The following INSC variants were observed in gnomAD, a reference collection of about 807,000 sequenced individuals.
INSC encodes protein inscuteable homolog.
Under a neutral mutation model 58.6 loss-of-function variants are expected in INSC, and 67 were observed. The observed-to-expected ratio is 1.14, with a 90% CI of 0.94 to 1.40. The LOEUF (loss-of-function observed/expected upper bound fraction) is 1.40, where lower values mean the gene tolerates loss of function less well. Ranked by LOEUF, INSC falls within the 40% of genes most tolerant of loss-of-function variation. The pLI is 0.00. For missense variants in INSC, 714 were observed against 692.0 expected, an observed-to-expected ratio of 1.03 and a Z score of -0.36; for synonymous variants, 262 against 276.1, an observed-to-expected ratio of 0.95 and a Z score of 0.51.
At position 15,204,254 on chromosome 11, in the gene INSC, C is replaced by T. The variant is rs1007216977; in HGVS notation, c.819+3305C>T. ...CAGAAGAAAGGGAGACTCAGAGACG[C>T]GAAGCCACTTGCTCAAGGGCGCATA... On this transcript the variant is annotated intron_variant, in intron 7 of 12. Transcript: ENST00000379556. 3.9e-5 allele frequency among the ~76,000 whole-genome samples: 6 copies of T among 152,344 alleles called. No homozygotes were observed. In the East Asian group the frequency reaches 5.8e-4, roughly 15 times the overall value.
rs779862000 is a variant in INSC at position 15,186,817 on chromosome 11, T to C, written c.580-3884T>C. Among the ~76,000 whole-genome samples the C allele has an allele frequency of 7.9e-5, 12 of 152,316 alleles. No individual in the cohort carries two copies. In the South Asian group the frequency reaches 1.0e-3, roughly 13 times the overall value. On this transcript the variant is annotated intron_variant, in intron 5 of 12. Coordinates refer to ENST00000379556, the MANE Select transcript of INSC (RefSeq NM_001042536.3). The stretch of plus-strand genomic sequence containing the variant: ...GTTTATCCAGTAATCTTTCGAATAG[T>C]TCATGATGATCTCTGTGGTCTTTTC...
At chr11:15,159,073 C>T (rs1848923637) in intron 2 of INSC, among the ~76,000 whole-genome samples, 1 of 152,136 alleles carries the variant, frequency 6.6e-6, no homozygotes, top group Non-Finnish European at 1.5e-5. Context: ...TGGCCTCTTG[C>T]ACCTGGGGGC....
At chr11:15,222,958 G>T (rs1178621837) in intron 8 of INSC, among the ~76,000 whole-genome samples, 1 of 152,122 alleles carries the variant, frequency 6.6e-6, no homozygotes, top group Non-Finnish European at 1.5e-5. Flanking sequence ...CTTTCCTAAG[G>T]CCACAAAACA....
At chr11:15,170,725 C>T (rs1403991746) in intron 2 of INSC, among the ~76,000 whole-genome samples, 1 of 152,164 alleles carries the variant, frequency 6.6e-6, no homozygotes, top group African/African-American at 2.4e-5. Context: ...CCTCCACCTC[C>T]AGTTTTTAAT....
chr11:15,114,714 C>G (rs1185700662), upstream of INSC, among the ~76,000 whole-genome samples: 2 of 152,210 alleles, frequency 1.3e-5, no homozygotes, highest in Non-Finnish European at 2.9e-5. Context: ...CATGTTTCCC[C>G]CCCCAGGGGC....
chr11:15,253,224 T>A, the INSC span, among the ~76,000 whole-genome samples: 2 of 152,156 alleles, frequency 1.3e-5, no homozygotes, highest in Non-Finnish European at 2.9e-5. Context: ...CCCTTTGAAT[T>A]TTTTTGCTTG....
intron 1 of INSC, among the ~76,000 whole-genome samples, chr11:15,138,245 A>G (rs571628832): frequency 1.3e-5 from 2 of 152,362 alleles, no homozygotes; most frequent in Non-Finnish European, 2.9e-5. Context: ...ATACAATAGT[A>G]ATGAAAAATT....
chr11:15,228,851 T>A (rs887126225), intron 9 of INSC, among the ~76,000 whole-genome samples: 1 of 152,174 alleles, frequency 6.6e-6, no homozygotes, highest in African/African-American at 2.4e-5. Flanking sequence ...CCTTGGGGTA[T>A]GGACGTTGGT....
At chr11:15,113,123 T>C (rs531090196), upstream of INSC, among the ~76,000 whole-genome samples, 16 of 111,922 alleles carry the variant, frequency 1.4e-4, no homozygotes, top group East Asian at 4.8e-4. Context: ...CTCTCTCTCT[T>C]TCTTTCTTTC....
intron 7 of INSC, among the ~76,000 whole-genome samples, chr11:15,213,993 T>C (rs1489458176): frequency 1.3e-5 from 2 of 152,194 alleles, no homozygotes; most frequent in Admixed American, 6.5e-5. Flanking sequence ...CCTCTTAGAC[T>C]GTTGCAGACG....
chr11:15,149,686 A>G (rs778473393), intron 2 of INSC, among the ~76,000 whole-genome samples: 6 of 152,154 alleles, frequency 3.9e-5, no homozygotes, highest in Non-Finnish European at 8.8e-5. Context: ...TACTGAGAAG[A>G]AGGGGAAGCC....
intron 2 of INSC, 55 bp from the exon 3 acceptor site, chr11:15,175,686 C>A: frequency 7.2e-7 from 1 of 1,386,610 alleles, no homozygotes; most frequent in Non-Finnish European, 9.8e-7. Flanking sequence ...AGAATTGAGA[C>A]CTTTGGAAAT....
At chr11:15,156,501 C>T (rs2133769670) in intron 2 of INSC, among the ~76,000 whole-genome samples, 2 of 152,274 alleles carry the variant, frequency 1.3e-5, no homozygotes, top group Middle Eastern at 6.8e-3. Context: ...CCCAGCCTAC[C>T]AAATCTCAGT....
At chr11:15,118,365 C>T (rs1399050496) in intron 1 of INSC, among the ~76,000 whole-genome samples, 1 of 152,148 alleles carries the variant, frequency 6.6e-6, no homozygotes, top group Non-Finnish European at 1.5e-5. Flanking sequence ...TTTTATGCTG[C>T]CCAAGACCAC....
At chr11:15,190,581 A>T in intron 5 of INSC, 120 bp from the exon 6 acceptor site, 1 of 739,740 alleles carries the variant, frequency 1.4e-6, no homozygotes, top group Non-Finnish European at 2.5e-6. Context: ...GGCAGTAGCT[A>T]GGGGCAGGAG....
intron 1 of INSC, among the ~76,000 whole-genome samples, chr11:15,148,871 C>T (rs978412105): frequency 1.3e-5 from 2 of 152,106 alleles, no homozygotes; most frequent in Admixed American, 1.3e-4. Flanking sequence ...CAAAATAAGT[C>T]AGGCAAATAT....
chr11:15,127,378 T>A (rs61877969), intron 1 of INSC, among the ~76,000 whole-genome samples: 2,300 of 152,316 alleles, frequency 0.015, 31 homozygotes, highest in Non-Finnish European at 0.016. Context: ...TTGATGCACC[T>A]CCATCTTTGC....
At position 15,246,059 on chromosome 11, in the gene INSC, T is replaced by G; in HGVS notation, c.*19T>G. ...TGTGTAGTGAGTGTGGGCGAAGAAATACATTTGGCTGTTCTCACACCCCCT... is the reference window on the plus strand; with the variant it reads ...TGTGTAGTGAGTGTGGGCGAAGAAAGACATTTGGCTGTTCTCACACCCCCT... On this transcript the variant is annotated 3_prime_UTR_variant, in exon 13 of 13. Coordinates refer to ENST00000379556, the MANE Select transcript of INSC (RefSeq NM_001042536.3). The G allele has an allele frequency of 5.0e-6, 8 of 1,613,876 alleles. No individual in the cohort carries two copies. The highest frequency in any genetic ancestry group is 5.9e-6 in the Non-Finnish European group (7 of 1,179,860).
At chr11:15,115,337 G>C (rs1847665848) in intron 1 of INSC, among the ~76,000 whole-genome samples, 1 of 152,182 alleles carries the variant, frequency 6.6e-6, no homozygotes, top group South Asian at 2.1e-4. Flanking sequence ...CTGTGTGTGT[G>C]GCAGGAAGGC....
Sources: allele counts gnomAD v4.1 joint callset (sites outside exome capture counted in the v4.1 genomes callset), GRCh38; gene constraint gnomAD v4.1.1; transcripts MANE v1.5; gene names NCBI Gene and HGNC (gene_info 2026-07-23, HGNC 2026-07-21).